The following CPVL variants were observed in gnomAD, a reference collection of about 807,000 sequenced individuals.
CPVL encodes carboxypeptidase vitellogenic like, also known as probable serine carboxypeptidase CPVL.
CPVL carries 51 observed loss-of-function variants against 63.7 expected under a neutral mutation model. That is an observed-to-expected ratio of 0.80 (90% CI 0.64 to 1.01). CPVL has a LOEUF of 1.01. Among genes scored for constraint, CPVL ranks in the 50% least tolerant of loss-of-function variants. The pLI is 0.00. For missense variants in CPVL, 530 were observed against 573.1 expected (o/e 0.92, Z 0.77); for synonymous variants, 195 against 206.0 (o/e 0.95, Z 0.46).
intron 3 of CPVL, among the ~76,000 whole-genome samples, chr7:29,100,379 C>T (rs1786993490): frequency 6.6e-6 from 1 of 152,272 alleles, no homozygotes; most frequent in East Asian, 1.9e-4. Flanking sequence ...GGGGAGGAGG[C>T]CTCATCAGTC....
chr7:29,097,389 G>A (rs1786548560), intron 3 of CPVL, among the ~76,000 whole-genome samples: 1 of 152,220 alleles, frequency 6.6e-6, no homozygotes, highest in Admixed American at 6.5e-5. Context: ...GGCAATATAG[G>A]CAGTAAGTAA....
At chr7:29,131,080 T>C (rs1790647777) in intron 1 of CPVL, among the ~76,000 whole-genome samples, 1 of 151,982 alleles carries the variant, frequency 6.6e-6, no homozygotes, top group African/African-American at 2.4e-5. Context: ...TGCCTCCTTT[T>C]GAATGGTGTG....
At position 29,120,899 on chromosome 7, in the gene CPVL, G is replaced by T; in HGVS notation, c.163C>A (p.Gln55Lys). The T allele has an allele frequency of 6.2e-7, 1 of 1,605,238 alleles. No individual in the cohort carries two copies. The highest frequency in any genetic ancestry group is 8.5e-7 in the Non-Finnish European group (1 of 1,176,310). Residue 55 changes from glutamine (Q) to lysine (K), a missense_variant, in exon 2 of 13, where the codon CAA becomes AAA. Physicochemically the swap from Gln to Lys is moderately conservative, Grantham distance 53. Transcript: ENST00000265394. ...LTPYIEAGKI[Q>K]KGRELSLVGP... ...TTTAATTAAACTTACTTACCTTTTT[G>T]GATCTTCCCAGCTTCAATGTAAGGG...
At chr7:29,173,772 AC>A (rs1188210560) in intron 5 of CPVL, among the ~76,000 whole-genome samples, 7 of 149,518 alleles carry the variant, frequency 4.7e-5, no homozygotes, top group African/African-American at 1.7e-4. Flanking sequence ...CCCTGTCTCT[AC>A]CAAAAAAAAA....
intron 2 of CPVL, among the ~76,000 whole-genome samples, chr7:29,118,163 C>A (rs1387085258): frequency 6.6e-6 from 1 of 152,212 alleles, no homozygotes; most frequent in Admixed American, 6.5e-5. Context: ...GATTTGGGTC[C>A]TAAACCCATC....
upstream of CPVL, among the ~76,000 whole-genome samples, chr7:29,150,016 A>G (rs1793373551): frequency 6.6e-6 from 1 of 152,222 alleles, no homozygotes; most frequent in East Asian, 1.9e-4. Flanking sequence ...AGAATATTCA[A>G]AGGTTGGCCA....
intron 12 of CPVL, among the ~76,000 whole-genome samples, chr7:28,997,626 G>A (rs528619988): frequency 1.1e-3 from 173 of 152,302 alleles, no homozygotes; most frequent in Non-Finnish European, 1.8e-3. Context: ...GCTTGTCCAA[G>A]TCACACAATT....
chr7:29,048,156 A>C (rs1309868029), intron 11 of CPVL, among the ~76,000 whole-genome samples: 2 of 151,702 alleles, frequency 1.3e-5, no homozygotes, highest in Non-Finnish European at 2.9e-5. Context: ...AATAAAAGGC[A>C]AAAAAAACAA....
intron 5 of CPVL, among the ~76,000 whole-genome samples, chr7:29,158,303 C>T (rs987562475): frequency 3.9e-5 from 6 of 152,168 alleles, no homozygotes; most frequent in Non-Finnish European, 7.3e-5. Context: ...ACCTCAGTTT[C>T]CACCATCCTA....
downstream of CPVL, among the ~76,000 whole-genome samples, chr7:28,994,835 ATG>A (rs1264225786): frequency 3.9e-5 from 6 of 152,228 alleles, no homozygotes; most frequent in African/African-American, 1.4e-4. Flanking sequence ...GATGGGTAAT[ATG>A]AGAAGGAAGT....
rs992760731 is a variant in CPVL, at chr7:29,174,898, A to C, written c.-11+6392T>G. Among the ~76,000 whole-genome samples, 8 of 152,202 alleles carry C rather than the reference A, an allele frequency of 5.3e-5. No homozygotes were observed. In the South Asian group the frequency reaches 1.7e-3, roughly 32 times the overall value. On this transcript the variant is annotated intron_variant, in intron 5 of 16. Transcript: ENST00000409850. ...AAAAGAATTTTTAGAGAGATACAGG[A>C]ACAAGAAGCTAGAAGAGAGAGAGAC...
At chr7:29,060,054 C>T (rs995353839) in intron 11 of CPVL, among the ~76,000 whole-genome samples, 1 of 152,156 alleles carries the variant, frequency 6.6e-6, no homozygotes, top group Non-Finnish European at 1.5e-5. Flanking sequence ...AACTGGAAGC[C>T]TGTCCATTCT....
chr7:29,022,804 G>A (rs1787138066), intron 12 of CPVL, among the ~76,000 whole-genome samples: 2 of 152,332 alleles, frequency 1.3e-5, no homozygotes, highest in African/African-American at 4.8e-5. Flanking sequence ...CTGGGAATAT[G>A]CCTGCCCTGC....
chr7:29,134,878 T>C (rs1045650667), intron 1 of CPVL, among the ~76,000 whole-genome samples: 3 of 151,994 alleles, frequency 2.0e-5, no homozygotes, highest in African/African-American at 4.8e-5. Flanking sequence ...GGCAGAAGGA[T>C]AGCTCCAGCC....
intron 1 of CPVL, among the ~76,000 whole-genome samples, chr7:29,132,311 G>A (rs1272053652): frequency 2.0e-5 from 3 of 152,108 alleles, no homozygotes; most frequent in Non-Finnish European, 4.4e-5. Context: ...GTACAGGCTC[G>A]TGCTGGGTAT....
At chr7:28,996,059 C>G in intron 12 of CPVL, 177 bp from the exon 13 acceptor site, 1 of 512,012 alleles carries the variant, frequency 2.0e-6, no homozygotes. Context: ...TTGTAACAGG[C>G]ATGTTAAGGT....
At chr7:29,097,183 G>T (rs950000968) in intron 3 of CPVL, among the ~76,000 whole-genome samples, 1 of 152,154 alleles carries the variant, frequency 6.6e-6, no homozygotes, top group Non-Finnish European at 1.5e-5. Context: ...TATTGGCAGG[G>T]CGGTGATGTT....
chr7:29,050,752 T>C (rs1186572279), intron 11 of CPVL, among the ~76,000 whole-genome samples: 2 of 150,996 alleles, frequency 1.3e-5, no homozygotes, highest in African/African-American at 4.9e-5. Context: ...ATTCTAAAAT[T>C]CATATGGAAC....
rs2648653 is a variant in CPVL, at chr7:29,018,405, G to A, written c.1320+12172C>T. Among the ~76,000 whole-genome samples the A allele has an allele frequency of 2.2e-3, 309 of 142,588 alleles. 1 individual carries two copies. The highest frequency in any genetic ancestry group is 3.9e-3 in the Middle Eastern group (1 of 256). The allele number at this position is 142,588 out of a possible 152,430, so 93.5% of individuals were successfully genotyped here. A position where few individuals can be genotyped will look rare whatever the true frequency, so the allele number is the denominator to read the frequency against. On this transcript the variant is annotated intron_variant, in intron 12 of 12. Coordinates refer to ENST00000265394, the MANE Select transcript of CPVL (RefSeq NM_031311.5). ...TTTTTTTTTTTTTTTTTGAGACAGG[G>A]TCTCACTCTGTTGCCCAATCTGGAG...
Sources: gnomAD v4.1 joint callset for allele counts (sites outside exome capture counted in the v4.1 genomes callset) on GRCh38, gnomAD v4.1.1 for gene constraint, MANE v1.5 for transcripts, NCBI Gene and HGNC (gene_info 2026-07-23, HGNC 2026-07-21) for gene names.